Variants in NCBP1 observed in about 807,000 individuals in gnomAD.
NCBP1 encodes the protein nuclear cap-binding protein subunit 1.
Under a neutral mutation model 111.7 loss-of-function variants are expected in NCBP1, and 16 were observed. The observed-to-expected ratio is 0.14, with a 90% confidence interval of 0.10 to 0.22. The LOEUF is 0.22. Ranked by LOEUF, NCBP1 falls within the 10% of genes least tolerant of loss-of-function variation. The probability of loss-of-function intolerance (pLI) is 1.00; values close to 1 mark genes in which losing one functional copy is unlikely to be tolerated. For missense variants in NCBP1, 607 were observed against 957.5 expected (o/e 0.63, Z 4.83); for synonymous variants, 304 against 314.3 (o/e 0.97, Z 0.35).
intron 1 of NCBP1, among the ~76,000 whole-genome samples, chr9:97,637,342 C>G (rs779136784): frequency 2.0e-5 from 3 of 152,180 alleles, no homozygotes; most frequent in Non-Finnish European, 4.4e-5. Context: ...TTAAAAATGT[C>G]TCTGAAGCTT....
chr9:97,636,494 ATT>A (rs1417614730), intron 1 of NCBP1, among the ~76,000 whole-genome samples: 2 of 30,506 alleles, frequency 6.6e-5, no homozygotes, highest in Admixed American at 3.3e-4. Context: ...TATTATATAA[ATT>A]TATATTTATA....
At chr9:97,651,546 G>A (rs1037428961) in intron 10 of NCBP1, among the ~76,000 whole-genome samples, 173 bp downstream of exon 10, 17 of 152,152 alleles carry the variant, frequency 1.1e-4, no homozygotes, top group African/African-American at 3.4e-4. Context: ...TATTAGCCAT[G>A]TTAGTAAAGA....
At chr9:97,638,575 T>TA (rs1016144888) in intron 1 of NCBP1, among the ~76,000 whole-genome samples, 2 of 152,168 alleles carry the variant, frequency 1.3e-5, no homozygotes, top group African/African-American at 4.8e-5. Flanking sequence ...GCTTAAGGTT[T>TA]AAAAAACAGC....
intron 6 of NCBP1, among the ~76,000 whole-genome samples, chr9:97,646,743 A>T (rs1827346732): frequency 1.3e-5 from 2 of 150,638 alleles, no homozygotes; most frequent in Non-Finnish European, 2.9e-5. Flanking sequence ...AGGCTGAGGC[A>T]GGAGAATTGC....
At chr9:97,647,376 C>A in intron 6 of NCBP1, 116 bp from the exon 7 acceptor site, 1 of 727,538 alleles carries the variant, frequency 1.4e-6, no homozygotes, top group Non-Finnish European at 2.3e-6. Context: ...ATATCTGCCA[C>A]TCCAGTAGGT....
intron 1 of NCBP1, among the ~76,000 whole-genome samples, chr9:97,640,034 G>A (rs879359439): frequency 6.6e-6 from 1 of 152,118 alleles, no homozygotes; most frequent in Non-Finnish European, 1.5e-5. Context: ...ATTGTAAAAC[G>A]TGGTCCTTTT....
At position 97,671,670 on chromosome 9, in the gene NCBP1, A is replaced by G. The variant is rs1363587338; in HGVS notation, c.*471A>G. 1.3e-5 allele frequency: 2 copies of G among 152,442 alleles called. No individual in the cohort carries two copies. Among genetic ancestry groups the G allele is most frequent in the Admixed American group, 6.5e-5 (1 of 15,296 alleles). 9.4% of individuals were successfully genotyped at this position (152,442 alleles called of 1,614,324 possible). ...ATGATTTATCATCTCACTCTACTCT[A>G]AAACTGGTGGTTTCTTACTGAAGGT... On this transcript the variant is annotated 3_prime_UTR_variant, in exon 23 of 23. Transcript: ENST00000375147.
chr9:97,668,979 C>A lies in NCBP1; in HGVS notation c.2145+5C>A. On this transcript the variant is annotated splice_donor_5th_base_variant and intron_variant, in intron 21 of 22. Transcript: ENST00000375147. ...CTTTTCCTCGTTATATTTCAGGTAT[C>A]TTGGCTTGGGACATTTATACATAAA... 6.2e-7 allele frequency: 1 copy of A among 1,604,210 alleles called. No individual in the cohort carries two copies. Among genetic ancestry groups the A allele is most frequent in the Non-Finnish European group, 8.5e-7 (1 of 1,175,802 alleles).
chr9:97,640,681 C>T, intron 1 of NCBP1, 113 bp from the exon 2 acceptor site: 1 of 776,940 alleles, frequency 1.3e-6, no homozygotes, highest in South Asian at 1.9e-5. Flanking sequence ...AGAGCTTCTA[C>T]TCTGTAAAAA....
chr9:97,670,002 A>C (rs1457175848), intron 22 of NCBP1: 2 of 421,146 alleles, frequency 4.7e-6, no homozygotes, highest in Non-Finnish European at 8.8e-6. Flanking sequence ...AGCTCACTGC[A>C]ACCTCCACCT....
chr9:97,663,457 AT>A (rs1317213044), intron 18 of NCBP1, among the ~76,000 whole-genome samples: 1 of 152,042 alleles, frequency 6.6e-6, no homozygotes, highest in Non-Finnish European at 1.5e-5. Flanking sequence ...GAAATTATGT[AT>A]TTTTTTGAAT....
At position 97,645,211 on chromosome 9, in the gene NCBP1, A is replaced by G. The variant is rs1564019572; in HGVS notation, c.476A>G (p.Glu159Gly). 10 of 1,612,062 alleles carry G rather than the reference A, an allele frequency of 6.2e-6. No individual in the cohort carries two copies. The highest frequency in any genetic ancestry group is 8.5e-6 in the Non-Finnish European group (10 of 1,178,292). The change falls in exon 5 of 23, where the codon GAA becomes GGA. Residue 159 changes from glutamate (E) to glycine (G), a missense_variant. Physicochemically the swap from Glu to Gly is moderately conservative, Grantham distance 98 (BLOSUM62 -2). Transcript: ENST00000375147. Reference sequence around the variant, plus strand: ...AATTTTGTAAGCGTAACTCAGGAAGAAGATGTACCTCAGGTAAGAGAACCC... The same window carrying G: ...AATTTTGTAAGCGTAACTCAGGAAGGAGATGTACCTCAGGTAAGAGAACCC... ...FENFVSVTQE[E>G]DVPQVRRDWY...
intron 19 of NCBP1, 121 bp downstream of exon 19, chr9:97,664,564 T>C (rs1827938573): frequency 1.6e-6 from 1 of 632,582 alleles, no homozygotes; most frequent in Non-Finnish European, 2.7e-6. Context: ...AATGGTCCAA[T>C]CTGGTAGGAT....
intron 6 of NCBP1, 106 bp from the exon 7 acceptor site, chr9:97,647,386 T>TA (rs776433399): frequency 2.4e-4 from 198 of 829,948 alleles, no homozygotes; most frequent in Non-Finnish European, 3.5e-4. Flanking sequence ...CTCCAGTAGG[T>TA]AAAATGTTAT....
chr9:97,666,352 A>G (rs1054580571), intron 19 of NCBP1, among the ~76,000 whole-genome samples: 1 of 152,220 alleles, frequency 6.6e-6, no homozygotes, highest in Non-Finnish European at 1.5e-5. Flanking sequence ...AATAATATAA[A>G]GCATGGGAAA....
rs1827607539 is a variant in NCBP1, at chr9:97,654,938, T to G, written c.1229T>G (p.Val410Gly). 2 of 1,603,304 alleles carry G rather than the reference T, an allele frequency of 1.2e-6. No individual in the cohort carries two copies. Among genetic ancestry groups the G allele is most frequent in the East Asian group, 2.3e-5 (1 of 44,098 alleles). Residue 410 changes from valine to glycine, a missense_variant, in exon 12 of 23, where the codon GTA (valine) becomes GGA (glycine). Coordinates refer to ENST00000375147, the MANE Select transcript of NCBP1 (RefSeq NM_002486.5). Reference protein sequence around the residue: ...MRLDTMNTTCVDRFINWFSHH... With the variant: ...MRLDTMNTTCGDRFINWFSHH... ...TTGGACACAATGAACACTACCTGTG[T>G]AGACAGGTACAGTAATCGCTTTACT...
In NCBP1 at chr9:97,671,247, ATT is replaced by A. The variant is rs768822324; in HGVS notation, c.*50_*51del. On this transcript the variant is annotated 3_prime_UTR_variant, in exon 23 of 23. Transcript: ENST00000375147. ...AGGTTTTTTTTGATATCTTAAAATA[ATT>A]TGTCTTATTTTTTGATGGTTTGAAT... 6.7e-6 allele frequency: 9 copies of A among 1,339,058 alleles called. No individual in the cohort carries two copies. Among genetic ancestry groups the A allele is most frequent in the Admixed American group, 2.0e-5 (1 of 50,316 alleles). 82.9% of individuals were successfully genotyped at this position (1,339,058 alleles called of 1,614,324 possible).
intron 11 of NCBP1, 141 bp from the exon 12 acceptor site, chr9:97,654,738 CA>C (rs1827598391): frequency 1.3e-6 from 1 of 774,092 alleles, no homozygotes; most frequent in East Asian, 2.7e-5. Flanking sequence ...TAAGAAAAAA[CA>C]AAAACAAGAT....
chr9:97,651,254 T>C (rs906200396), intron 9 of NCBP1, 56 bp from the exon 10 acceptor site: 2 of 1,464,018 alleles, frequency 1.4e-6, no homozygotes, highest in Non-Finnish European at 1.9e-6. Flanking sequence ...AAACTGCTTA[T>C]TTGACTTTTC....
Sources: gnomAD v4.1 joint callset for allele counts (sites outside exome capture counted in the v4.1 genomes callset) on GRCh38, gnomAD v4.1.1 for gene constraint, MANE v1.5 for transcripts, NCBI Gene and HGNC (gene_info 2026-07-23, HGNC 2026-07-21) for gene names.